RANBP2: variants seen among roughly 807,000 people sequenced by gnomAD.
RANBP2 encodes RAN binding protein 2, also known as E3 SUMO-protein ligase RanBP2.
In RANBP2, 57 loss-of-function variants were observed where a neutral mutation model predicts 303.6. That is an observed-to-expected ratio of 0.19 (90% CI 0.15 to 0.23). RANBP2 has a LOEUF of 0.23. RANBP2 is among the 10% of genes least tolerant of loss of function. The pLI, the probability that RANBP2 is intolerant of heterozygous loss-of-function variation, is 1.00. For missense variants in RANBP2, 3,138 were observed against 3,780.8 expected (o/e 0.83, Z 4.46); for synonymous variants, 1,167 against 1,301.5 (o/e 0.90, Z 2.23).
the RANBP2 span, among the ~76,000 whole-genome samples, chr2:109,532,882 G>A: frequency 1.5e-4 from 23 of 152,072 alleles, no homozygotes; most frequent in Non-Finnish European, 7.4e-5. Flanking sequence ...CACCATCTTC[G>A]GCCCCAGCTG....
the RANBP2 span, chr2:108,923,339 C>T: frequency 4.0e-4 from 645 of 1,605,098 alleles, no homozygotes; most frequent in Admixed American, 6.0e-4. Context: ...GAACAAATAC[C>T]GTGCTGGTGG....
At chr2:109,277,511 T>C in the RANBP2 span, among the ~76,000 whole-genome samples, 7 of 152,326 alleles carry the variant, frequency 4.6e-5, no homozygotes, top group East Asian at 9.7e-4. Context: ...CTCCGAGCAG[T>C]CCGTGGAATA....
At chr2:109,485,275 A>G in the RANBP2 span, among the ~76,000 whole-genome samples, 99 of 152,378 alleles carry the variant, frequency 6.5e-4, no homozygotes, top group Admixed American at 2.4e-3. Flanking sequence ...GGCTTAATCA[A>G]GAAGGTAACT....
chr2:109,237,346 GA>G, the RANBP2 span, among the ~76,000 whole-genome samples: 1,097 of 151,832 alleles, frequency 7.2e-3, 10 homozygotes, highest in African/African-American at 0.014. Context: ...GGTACACATT[GA>G]AAAAAAATGT....
chr2:108,731,029 A>G, intron 3 of RANBP2, 144 bp downstream of exon 3: 1 of 1,113,332 alleles, frequency 9.0e-7, no homozygotes. Context: ...ACAGCTTGGA[A>G]CAGATTTAGA....
chr2:108,968,321 T>C, the RANBP2 span, among the ~76,000 whole-genome samples: 12 of 152,348 alleles, frequency 7.9e-5, 1 homozygote, highest in Admixed American at 1.3e-4. Context: ...GTTTAGCTCA[T>C]AGGTCTTCAA....
chr2:109,640,397 A>G, the RANBP2 span, among the ~76,000 whole-genome samples: 1 of 152,202 alleles, frequency 6.6e-6, no homozygotes, highest in Non-Finnish European at 1.5e-5. Flanking sequence ...GGTTGCAGTG[A>G]GCCAAGATCG....
At chr2:109,364,655 C>G in the RANBP2 span, among the ~76,000 whole-genome samples, 2 of 152,250 alleles carry the variant, frequency 1.3e-5, no homozygotes, top group Admixed American at 1.3e-4. Context: ...AGGTCTCAGT[C>G]TTTCAGCAAG....
At chr2:109,333,507 C>T in the RANBP2 span, among the ~76,000 whole-genome samples, 5 of 152,124 alleles carry the variant, frequency 3.3e-5, no homozygotes, top group Admixed American at 3.3e-4. Context: ...TATAGCATAC[C>T]CCACCTGTTT....
At chr2:109,397,228 C>T in the RANBP2 span, among the ~76,000 whole-genome samples, 1 of 152,196 alleles carries the variant, frequency 6.6e-6, no homozygotes, top group Non-Finnish European at 1.5e-5. Context: ...CTCCCGCTTC[C>T]TCCTGCCCTG....
the RANBP2 span, among the ~76,000 whole-genome samples, chr2:109,483,621 T>C: frequency 1.3e-5 from 2 of 152,346 alleles, no homozygotes; most frequent in South Asian, 4.1e-4. Flanking sequence ...AACAGATTGC[T>C]AGAGGGTGGG....
the RANBP2 span, among the ~76,000 whole-genome samples, chr2:109,715,440 GA>G: frequency 6.6e-6 from 1 of 152,132 alleles, no homozygotes; most frequent in Non-Finnish European, 1.5e-5. Context: ...AGAACTCAGG[GA>G]GACACTTAGG....
rs1370718447 is a variant in RANBP2, at chr2:108,764,950, G to A, written c.4411G>A (p.Asp1471Asn). The A allele has an allele frequency of 1.9e-6, 3 of 1,614,044 alleles. No individual in the cohort carries two copies. The highest frequency in any genetic ancestry group is 1.7e-6 in the Non-Finnish European group (2 of 1,179,958). ...QGDLPKPINS[D>N]FRSVFSTKEG... is the part of the protein sequence containing the mutation. ...AGATCTTCCTAAACCTATTAACAGT[G>A]ATTTCAGATCTGTTTTTTCTACAAA... is the stretch of plus-strand genomic sequence containing the variant. Residue 1471 changes from aspartate to asparagine, a missense_variant, in exon 20 of 29, where the codon GAT becomes AAT. Coordinates refer to ENST00000283195, the MANE Select transcript of RANBP2 (RefSeq NM_006267.5).
chr2:109,200,852 G>A, the RANBP2 span, among the ~76,000 whole-genome samples: 40,682 of 152,160 alleles, frequency 0.27, 5,821 homozygotes, highest in East Asian at 0.47. Flanking sequence ...CCCTAAGTGC[G>A]GCCTCTCAGC....
the RANBP2 span, among the ~76,000 whole-genome samples, chr2:108,843,825 ATTTC>A: frequency 8.6e-5 from 7 of 81,202 alleles, no homozygotes; most frequent in Admixed American, 7.2e-4. Flanking sequence ...TTCAGTCATT[ATTTC>A]TTCAAGTTCA....
At chr2:108,970,270 G>C in the RANBP2 span, among the ~76,000 whole-genome samples, 2 of 152,170 alleles carry the variant, frequency 1.3e-5, no homozygotes, top group Admixed American at 6.5e-5. Flanking sequence ...AGTTAAAGAA[G>C]CTTCTTTACG....
At chr2:109,257,181 G>A in the RANBP2 span, among the ~76,000 whole-genome samples, 46 of 152,238 alleles carry the variant, frequency 3.0e-4, no homozygotes, top group Non-Finnish European at 6.0e-4. Flanking sequence ...ACTGGGGCAG[G>A]AGCTTCTCTT....
the RANBP2 span, among the ~76,000 whole-genome samples, chr2:109,249,194 C>T: frequency 1.3e-5 from 2 of 152,220 alleles, no homozygotes; most frequent in Non-Finnish European, 2.9e-5. Flanking sequence ...GAACTACACT[C>T]GTTAACTTCA....
chr2:108,925,631 T>TC, the RANBP2 span, among the ~76,000 whole-genome samples: 26 of 152,006 alleles, frequency 1.7e-4, no homozygotes, highest in African/African-American at 5.8e-4. Flanking sequence ...CTTTTTTTTT[T>TC]CCCCCTGAAA....
Sources: allele counts gnomAD v4.1 joint callset (sites outside exome capture counted in the v4.1 genomes callset), GRCh38; gene constraint gnomAD v4.1.1; transcripts MANE v1.5; gene names NCBI Gene and HGNC (gene_info 2026-07-23, HGNC 2026-07-21).